The following FBXO15 variants were observed in gnomAD, a reference collection of about 807,000 sequenced individuals.
The protein encoded by FBXO15 is F-box only protein 15.
Under a neutral mutation model 49.5 loss-of-function variants are expected in FBXO15, and 30 were observed. That is an observed-to-expected ratio of 0.61 (90% CI 0.45 to 0.82). The LOEUF (loss-of-function observed/expected upper bound fraction) is 0.82. Ranked by LOEUF, FBXO15 falls within the 40% of genes least tolerant of loss-of-function variation. The pLI is 0.00. For synonymous variants in FBXO15, 250 were observed against 232.7 expected (o/e 1.07, Z -0.68); for missense variants, 591 against 631.5 (o/e 0.94, Z 0.69).
intron 8 of FBXO15, among the ~76,000 whole-genome samples, chr18:74,103,829 T>TGA (rs2145150429): frequency 6.6e-6 from 1 of 152,230 alleles, no homozygotes; most frequent in African/African-American, 2.4e-5. Flanking sequence ...AAACAAAAGC[T>TGA]GAGGCAATTC....
intron 1 of FBXO15, among the ~76,000 whole-genome samples, chr18:74,143,748 T>C (rs1210662026): frequency 6.6e-6 from 1 of 152,254 alleles, no homozygotes; most frequent in South Asian, 2.1e-4. Flanking sequence ...CAGGTGTCTA[T>C]ATGGCTTGCT....
chr18:74,140,224 A>G lies in FBXO15; in HGVS notation c.205T>C (p.Cys69Arg). ...TACCCATCCAGGAACCCAGAACAGC[A>G]GGAGAAAGAGCTCTCCCAGTGCTGT... ...GGQHWESSFSCCSGFLDGMPS... is the reference protein window; with the variant it reads ...GGQHWESSFSRCSGFLDGMPS... Residue 69 changes from cysteine to arginine, a missense_variant, in exon 2 of 10, where the codon TGC becomes CGC. Cys to Arg is a radical substitution (Grantham distance 180). Transcript: ENST00000419743. 1 of 1,551,416 alleles carries G rather than the reference A, an allele frequency of 6.4e-7. No individual in the cohort carries two copies. The highest frequency in any genetic ancestry group is 1.2e-5 in the South Asian group (1 of 83,988).
intron 8 of FBXO15, among the ~76,000 whole-genome samples, chr18:74,107,507 C>T (rs539379266): frequency 3.9e-4 from 59 of 152,110 alleles, no homozygotes; most frequent in Non-Finnish European, 7.8e-4. Context: ...ACAGGGCAAA[C>T]CACTGTCCCA....
chr18:74,107,579 T>G (rs775108819), intron 8 of FBXO15, among the ~76,000 whole-genome samples: 1 of 152,042 alleles, frequency 6.6e-6, no homozygotes, highest in African/African-American at 2.4e-5. Flanking sequence ...AAAACCTCCA[T>G]AGCAACCAGT....
At chr18:74,106,369 T>A (rs935738440) in intron 8 of FBXO15, among the ~76,000 whole-genome samples, 1 of 152,000 alleles carries the variant, frequency 6.6e-6, no homozygotes, top group Non-Finnish European at 1.5e-5. Flanking sequence ...AAAGATAAAA[T>A]GGGAAAAGAT....
At chr18:74,079,435 T>TTCTGTCTAA (rs1436522555) in intron 9 of FBXO15, among the ~76,000 whole-genome samples, 2 of 152,188 alleles carry the variant, frequency 1.3e-5, no homozygotes, top group African/African-American at 4.8e-5. Flanking sequence ...AAATGAAAAG[T>TTCTGTCTAA]TCTGGAGATT....
intron 9 of FBXO15, among the ~76,000 whole-genome samples, chr18:74,077,968 C>T (rs1008719338): frequency 1.3e-5 from 2 of 152,132 alleles, no homozygotes; most frequent in Non-Finnish European, 2.9e-5. Flanking sequence ...TGGTTAGATC[C>T]TATGGGAGGA....
rs142981761 is a variant in FBXO15, at chr18:74,116,580, G to A, written c.1138+6788C>T. 2.8e-3 allele frequency among the ~76,000 whole-genome samples: 428 copies of A among 152,052 alleles called. 2 individuals are homozygous for A. The highest frequency in any genetic ancestry group is 9.8e-3 in the African/African-American group (407 of 41,458). On this transcript the variant is annotated intron_variant, in intron 8 of 9. Coordinates refer to ENST00000419743, the MANE Select transcript of FBXO15 (RefSeq NM_001142958.2). ...CCTTTCCACTCAACCCTACTACCTC[G>A]GCCTGGACCCTCCCAGTAACCTGTC...
intron 9 of FBXO15, among the ~76,000 whole-genome samples, chr18:74,080,223 G>A (rs1912432429): frequency 1.3e-5 from 2 of 152,260 alleles, no homozygotes; most frequent in Non-Finnish European, 2.9e-5. Context: ...AGAAATACCT[G>A]AGCTGCACAG....
rs958956874 is a variant in FBXO15 at position 74,075,650 on chromosome 18, T to A, written c.1264-1920A>T. ...TTTTTCCATCATCTGACCGAACATC[T>A]CTTGATAAGGCCACTAAATCCAGTG... On this transcript the variant is annotated intron_variant, in intron 9 of 9. Transcript: ENST00000419743. The surrounding 1 kb of genome is among the most constrained non-coding windows in gnomAD (Gnocchi z 4.1). Among the ~76,000 whole-genome samples, 2 of 152,206 alleles carry A rather than the reference T, an allele frequency of 1.3e-5. No homozygotes were observed. Among genetic ancestry groups the A allele is most frequent in the East Asian group, 3.9e-4 (2 of 5,190 alleles).
chr18:74,133,931 C>T (rs1312061977), intron 3 of FBXO15, among the ~76,000 whole-genome samples: 1 of 152,208 alleles, frequency 6.6e-6, no homozygotes. Flanking sequence ...TTAGGCCCCA[C>T]TTCCAACACT....
chr18:74,115,404 T>C (rs893616344), intron 8 of FBXO15, among the ~76,000 whole-genome samples: 1 of 152,092 alleles, frequency 6.6e-6, no homozygotes, highest in South Asian at 2.1e-4. Context: ...TAACAGACAC[T>C]GAAAAAAAAT....
At chr18:74,136,566 C>T (rs1478588813) in intron 2 of FBXO15, among the ~76,000 whole-genome samples, 1 of 152,212 alleles carries the variant, frequency 6.6e-6, no homozygotes, top group Non-Finnish European at 1.5e-5. Flanking sequence ...CTTCTGAGCA[C>T]CCTTGGGCTT....
At chr18:74,107,392 A>G (rs1174624669) in intron 8 of FBXO15, among the ~76,000 whole-genome samples, 1 of 152,206 alleles carries the variant, frequency 6.6e-6, no homozygotes, top group Non-Finnish European at 1.5e-5. Flanking sequence ...GATAAAAAGT[A>G]AAATGTGACT....
chr18:74,125,939 G>A, intron 6 of FBXO15, 36 bp downstream of exon 6: 1 of 1,609,288 alleles, frequency 6.2e-7, no homozygotes, highest in Non-Finnish European at 8.5e-7. Flanking sequence ...TTGTGATGGG[G>A]AAATGACACA....
At chr18:74,084,688 A>G (rs748618479) in intron 8 of FBXO15, among the ~76,000 whole-genome samples, 2 of 152,196 alleles carry the variant, frequency 1.3e-5, no homozygotes, top group Non-Finnish European at 2.9e-5. Flanking sequence ...TCAGCAAAAT[A>G]CAATTTGAGG....
rs760823560 is a variant in FBXO15 at position 74,145,594 on chromosome 18, C to CTTTT, written c.116+2072_116+2075dup. Among the ~76,000 whole-genome samples, 41 of 96,354 alleles carry CTTTT rather than the reference C, an allele frequency of 4.3e-4. 1 individual carries two copies. The highest frequency in any genetic ancestry group is 1.1e-3 in the African/African-American group (22 of 20,276). The allele number at this position is 96,354 out of a possible 152,430, so 63.2% of individuals were successfully genotyped here. On this transcript the variant is annotated intron_variant, in intron 1 of 9. Transcript: ENST00000419743. Reference sequence around the variant, plus strand: ...TTATCCATAAAATAAACCAACTGCACTTTTTTTTTTTTTTTTTTTTTGCGA... The same window carrying CTTTT: ...TTATCCATAAAATAAACCAACTGCACTTTTTTTTTTTTTTTTTTTTTTTTTGCGA...
intron 9 of FBXO15, among the ~76,000 whole-genome samples, chr18:74,077,883 G>T (rs562304020): frequency 6.6e-6 from 1 of 152,154 alleles, no homozygotes; most frequent in African/African-American, 2.4e-5. Context: ...CACCCTGCAC[G>T]ACCTTAGCCA....
chr18:74,145,499 T>C (rs1180730866), intron 1 of FBXO15, among the ~76,000 whole-genome samples: 1 of 152,054 alleles, frequency 6.6e-6, no homozygotes, highest in African/African-American at 2.4e-5. Context: ...GAGCTCTCTG[T>C]ACCATGTCTT....
Sources: gnomAD v4.1 joint callset for allele counts (sites outside exome capture counted in the v4.1 genomes callset) on GRCh38, gnomAD v4.1.1 for gene constraint, Gnocchi (gnomAD v3.1) non-coding constraint, MANE v1.5 for transcripts, NCBI Gene and HGNC (gene_info 2026-07-23, HGNC 2026-07-21) for gene names.